COBLL1: variants seen among roughly 807,000 people sequenced by gnomAD.
COBLL1 encodes the protein cordon-bleu WH2 repeat protein like 1, also known as cordon-bleu protein-like 1.
A neutral mutation model predicts 94.8 loss-of-function variants in COBLL1; 50 were observed. That is an observed-to-expected ratio of 0.53 (90% confidence interval 0.42 to 0.67). The LOEUF (loss-of-function observed/expected upper bound fraction) is 0.67, where lower values mean the gene tolerates loss of function less well. COBLL1 is among the 30% of genes least tolerant of loss of function. COBLL1 has a pLI of 0.00. For missense variants in COBLL1, 1,362 were observed against 1,348.7 expected (o/e 1.01, Z -0.15); for synonymous variants, 448 against 473.8 (o/e 0.95, Z 0.71).
At chr2:164,778,327 C>G (rs890781317) in intron 2 of COBLL1, among the ~76,000 whole-genome samples, 2 of 152,148 alleles carry the variant, frequency 1.3e-5, no homozygotes, top group Non-Finnish European at 2.9e-5. Context: ...AACTTTCCAG[C>G]CCAGCACAGT....
At chr2:164,768,193 C>T (rs1688028660) in intron 2 of COBLL1, among the ~76,000 whole-genome samples, 1 of 152,088 alleles carries the variant, frequency 6.6e-6, no homozygotes, top group Non-Finnish European at 1.5e-5. Flanking sequence ...AAAGCAACCA[C>T]CTGCTACTCC....
chr2:164,686,211 G>A (rs1391643024), intron 13 of COBLL1, among the ~76,000 whole-genome samples, 179 bp from the exon 14 acceptor site: 1 of 152,198 alleles, frequency 6.6e-6, no homozygotes, highest in African/African-American at 2.4e-5. Flanking sequence ...TAAAAAGAGA[G>A]AGTCGTTATT....
At chr2:164,831,228 A>G (rs1478217547) in intron 2 of COBLL1, among the ~76,000 whole-genome samples, 1 of 152,132 alleles carries the variant, frequency 6.6e-6, no homozygotes, top group Non-Finnish European at 1.5e-5. Flanking sequence ...AGGTTGAGAC[A>G]GGAGAATCAC....
intron 2 of COBLL1, among the ~76,000 whole-genome samples, chr2:164,799,756 A>G (rs1297300785): frequency 6.6e-6 from 1 of 152,242 alleles, no homozygotes; most frequent in Non-Finnish European, 1.5e-5. Context: ...ACACAGATCA[A>G]TGGAACAAAA....
Position 164,841,435 on chromosome 2 carries a change from C to T in COBLL1, c.-50-189G>A. 2.6e-6 allele frequency: 3 copies of T among 1,153,506 alleles called. No individual in the cohort carries two copies. Among genetic ancestry groups the T allele is most frequent in the Middle Eastern group, 3.6e-4 (1 of 2,794 alleles). 71.5% of individuals were successfully genotyped at this position (1,153,506 alleles called of 1,614,324 possible). On this transcript the variant is annotated intron_variant, in intron 1 of 13. Coordinates refer to ENST00000652658, the MANE Select transcript of COBLL1 (RefSeq NM_001365672.2). The surrounding 1 kb of genome is among the most constrained non-coding windows in gnomAD (Gnocchi z 5.5). ...CCGCCGCCGTCTCTACAAGGTCTAGCGGGCGCCCAGAGCACGGCGGAGGAG... is the reference window on the plus strand; with the variant it reads ...CCGCCGCCGTCTCTACAAGGTCTAGTGGGCGCCCAGAGCACGGCGGAGGAG...
intron 2 of COBLL1, among the ~76,000 whole-genome samples, chr2:164,752,429 AAAC>A (rs113288547): frequency 6.6e-6 from 1 of 151,400 alleles, no homozygotes; most frequent in East Asian, 1.9e-4. Flanking sequence ...AAATAAACAA[AAAC>A]AACAAGTGAA....
rs977151748 is a variant in COBLL1, at chr2:164,674,055, G to A, written n.127-8154C>T. Among the ~76,000 whole-genome samples, 5 of 151,916 alleles carry A rather than the reference G, an allele frequency of 3.3e-5. No individual in the cohort carries two copies. In the East Asian group the frequency reaches 7.7e-4, roughly 23 times the overall value. ...AAAATATAAAATTTACTATCTTTTT[G>A]TTTTTTGTTGTTGTTGTTTGTTTTC... On this transcript the variant is annotated intron_variant and non_coding_transcript_variant, in intron 1 of 2. Coordinates refer to the COBLL1 transcript ENST00000495084.
intron 5 of COBLL1, 79 bp from the exon 6 acceptor site, chr2:164,722,601 C>G (rs1026629459): frequency 1.4e-6 from 1 of 712,894 alleles, no homozygotes; most frequent in African/African-American, 1.8e-5. Flanking sequence ...CTTACTTCCC[C>G]TTTGCAAACT....
Position 164,730,021 on chromosome 2 carries a change from G to A in COBLL1, c.325C>T (p.His109Tyr). 6.2e-7 allele frequency: 1 copy of A among 1,613,852 alleles called. No individual in the cohort carries two copies. Among genetic ancestry groups the A allele is most frequent in the East Asian group, 2.2e-5 (1 of 44,848 alleles). The change falls in exon 4 of 14, where the codon CAC (histidine) becomes TAC (tyrosine). Residue 109 changes from histidine to tyrosine, a missense_variant. By Grantham distance (83) the His-to-Tyr change is moderately conservative (BLOSUM62 2). Coordinates refer to ENST00000652658, the MANE Select transcript of COBLL1 (RefSeq NM_001365672.2). ...TIDLLSAEQN[H>Y]IKFKPNTPIG... ...GGTGTGTTTGGCTTAAATTTAATGT[G>A]GTTCTGTTCAGCTGACAACAGATCG...
chr2:164,782,080 T>C (rs1358363595), intron 2 of COBLL1, among the ~76,000 whole-genome samples: 1 of 152,222 alleles, frequency 6.6e-6, no homozygotes, highest in Non-Finnish European at 1.5e-5. Flanking sequence ...CCAACACTTC[T>C]AATTCTCATT....
chr2:164,668,946 G>A (rs1371667344), intron 1 of COBLL1, among the ~76,000 whole-genome samples: 1 of 152,128 alleles, frequency 6.6e-6, no homozygotes, highest in Non-Finnish European at 1.5e-5. Flanking sequence ...TGGTATGAAC[G>A]GTATGAACAT....
chr2:164,837,175 A>G (rs1306568420), intron 2 of COBLL1, among the ~76,000 whole-genome samples: 1 of 152,212 alleles, frequency 6.6e-6, no homozygotes, highest in African/African-American at 2.4e-5. Flanking sequence ...AATGTGCTTC[A>G]GAATCAAAAT....
chr2:164,712,143 T>C (rs1405972799), intron 7 of COBLL1, among the ~76,000 whole-genome samples: 1 of 152,142 alleles, frequency 6.6e-6, no homozygotes, highest in African/African-American at 2.4e-5. Flanking sequence ...TTCAAGAGAT[T>C]TACTGAATAC....
intron 2 of COBLL1, among the ~76,000 whole-genome samples, chr2:164,784,558 T>C (rs1559013063): frequency 6.6e-6 from 1 of 152,044 alleles, no homozygotes; most frequent in Non-Finnish European, 1.5e-5. Flanking sequence ...AGCACTGTGT[T>C]CTCTCTGCAA....
intron 2 of COBLL1, among the ~76,000 whole-genome samples, chr2:164,658,396 CA>C (rs921430300): frequency 2.6e-5 from 4 of 152,242 alleles, no homozygotes; most frequent in Admixed American, 2.6e-4. Flanking sequence ...AACATCAGAG[CA>C]TGGGCTAGCA....
chr2:164,741,802 CTA>C (rs1686613047), intron 3 of COBLL1, among the ~76,000 whole-genome samples: 1 of 151,926 alleles, frequency 6.6e-6, no homozygotes, highest in African/African-American at 2.4e-5. Context: ...GATGCAGAAT[CTA>C]TCAGGTATGA....
At chr2:164,833,631 T>C (rs1246449178) in intron 2 of COBLL1, among the ~76,000 whole-genome samples, 1 of 151,920 alleles carries the variant, frequency 6.6e-6, no homozygotes, top group Non-Finnish European at 1.5e-5. Flanking sequence ...TTTGTATTTT[T>C]AGTAGAGACG....
chr2:164,658,707 A>G (rs1691020939), intron 2 of COBLL1, among the ~76,000 whole-genome samples: 1 of 152,184 alleles, frequency 6.6e-6, no homozygotes. Context: ...GGTTTTAAGT[A>G]ATTTCCATTG....
intron 2 of COBLL1, among the ~76,000 whole-genome samples, chr2:164,798,262 T>C (rs1683573139): frequency 6.6e-6 from 1 of 152,234 alleles, no homozygotes; most frequent in Non-Finnish European, 1.5e-5. Flanking sequence ...TACTTTGTTG[T>C]ATAAAAGTTT....
Sources: gnomAD v4.1 joint callset for allele counts (sites outside exome capture counted in the v4.1 genomes callset) on GRCh38, gnomAD v4.1.1 for gene constraint, Gnocchi (gnomAD v3.1) non-coding constraint, MANE v1.5 for transcripts, NCBI Gene and HGNC (gene_info 2026-07-23, HGNC 2026-07-21) for gene names.